NEB: variants seen among roughly 807,000 people sequenced by gnomAD.
NEB encodes the protein nemaline myopathy type 2.
In NEB, 512 loss-of-function variants were observed where a neutral mutation model predicts 952.2. The observed-to-expected ratio is 0.54, with a 90% CI of 0.50 to 0.58. NEB has a LOEUF of 0.58. Ranked by LOEUF, NEB falls within the 20% of genes least tolerant of loss-of-function variation. The pLI is 0.00. For missense variants in NEB, 8,428 were observed against 9,231.1 expected, an observed-to-expected ratio of 0.91 and a Z score of 3.56; for synonymous variants, 2,900 against 3,149.8, an observed-to-expected ratio of 0.92 and a Z score of 2.66.
intron 167 of NEB, among the ~76,000 whole-genome samples, chr2:151,502,095 T>G (rs1224550363): frequency 6.6e-6 from 1 of 152,130 alleles, no homozygotes; most frequent in Non-Finnish European, 1.5e-5. Context: ...TGGAGACTAG[T>G]ATTGTAAGTG....
intron 153 of NEB, among the ~76,000 whole-genome samples, chr2:151,523,888 GAA>G (rs199790903): frequency 6.7e-6 from 1 of 150,046 alleles, no homozygotes; most frequent in Non-Finnish European, 1.5e-5. Flanking sequence ...TATGTTTAAT[GAA>G]AAAAAAATGA....
intron 140 of NEB, 98 bp downstream of exon 140, chr2:151,537,774 C>G (rs2093418095): frequency 3.9e-6 from 3 of 767,208 alleles, no homozygotes; most frequent in Admixed American, 3.8e-5. Flanking sequence ...AATCTAAAAT[C>G]TAGCCAAGAG....
rs2153569990 is a variant in NEB, at chr2:151,540,777, T to C, written c.20707A>G (p.Lys6903Glu). Residue 6903 changes from lysine to glutamate, a missense_variant, in exon 137 of 182, where the codon AAA (lysine) becomes GAA (glutamate). Transcript: ENST00000397345. ...CCAGCGTGATGATGGGGTCTCTCTTTGGTGGCAAGTTCAACATACAGATAC... is the reference window on the plus strand; with the variant it reads ...CCAGCGTGATGATGGGGTCTCTCTTCGGTGGCAAGTTCAACATACAGATAC... ...SQYLYVELAT[K>E]ERPHHHAGNQ... 6.2e-7 allele frequency: 1 copy of C among 1,613,482 alleles called. No individual in the cohort carries two copies. Among genetic ancestry groups the C allele is most frequent in the East Asian group, 2.2e-5 (1 of 44,864 alleles).
intron 172 of NEB, among the ~76,000 whole-genome samples, chr2:151,496,736 A>T (rs1016090210): frequency 1.3e-5 from 2 of 152,192 alleles, no homozygotes; most frequent in African/African-American, 4.8e-5. Flanking sequence ...GATTGAAAAT[A>T]TCAGATGAAA....
Position 151,727,841 on chromosome 2 carries a change from G to A in NEB, c.144C>T (p.Ser48=), listed in dbSNP as rs373652428. ...GTGCTGGCTGTGCCAGAGCTGGTTT[G>A]GAAGTTTCTGATTGCTCATAGTCAG... ...RTSDYEQSET[S]KPALAQPALA... is the part of the protein sequence containing the mutation. Residue 48 remains serine, a synonymous_variant, in exon 5 of 182, where the codon TCC becomes TCT. Transcript: ENST00000397345. The A allele has an allele frequency of 2.9e-5, 47 of 1,611,440 alleles. 1 individual carries two copies. In the African/African-American group the frequency reaches 5.6e-4, roughly 19 times the overall value.
chr2:151,532,178 C>A lies in NEB; in HGVS notation c.21418-282G>T, dbSNP rs957677112. 2.4e-5 allele frequency: 6 copies of A among 251,482 alleles called. No individual in the cohort carries two copies. The East Asian group carries it at 3.0e-4, about 12-fold the overall frequency. The allele number at this position is 251,482 out of a possible 1,614,324, so 15.6% of individuals were successfully genotyped here. ...GTGGTGCGATCTCGGCTCACTGCAA[C>A]CTCCACCTCCCAGATTCAAGCAATT... On this transcript the variant is annotated intron_variant, in intron 143 of 181. Coordinates refer to ENST00000397345, the MANE Select transcript of NEB (RefSeq NM_001164508.2).
At chr2:151,535,462 G>A (rs531085311) in intron 142 of NEB, among the ~76,000 whole-genome samples, 1 of 152,296 alleles carries the variant, frequency 6.6e-6, no homozygotes, top group South Asian at 2.1e-4. Flanking sequence ...AGGTGCTGAT[G>A]TTTGCGGGGC....
intron 105 of NEB, among the ~76,000 whole-genome samples, chr2:151,578,532 G>A (rs2096964806): frequency 6.6e-6 from 1 of 151,646 alleles, no homozygotes; most frequent in African/African-American, 2.4e-5. Context: ...GTGGTGGCAT[G>A]TGCTTGTAAT....
At chr2:151,714,779 T>C (rs2099754713) in intron 10 of NEB, among the ~76,000 whole-genome samples, 1 of 152,182 alleles carries the variant, frequency 6.6e-6, no homozygotes, top group African/African-American at 2.4e-5. Context: ...AAGGAGATTT[T>C]TATCCTATTT....
intron 20 of NEB, among the ~76,000 whole-genome samples, chr2:151,693,084 A>C (rs2099571145): frequency 1.3e-5 from 2 of 152,218 alleles, no homozygotes; most frequent in Admixed American, 1.3e-4. Context: ...TCTGTTGAGC[A>C]CTTGGTGAAA....
rs2153806550 is a variant in NEB at position 151,575,805 on chromosome 2, G to A, written c.16909-6C>T. On this transcript the variant is annotated splice_polypyrimidine_tract_variant and splice_region_variant and intron_variant, in intron 106 of 181. Transcript: ENST00000397345. Reference sequence around the variant, plus strand: ...CAAACCTCTCTGTACTTTGGCTGTGGAAAGAAACAAAAATAATAAAATTAC... The same window carrying A: ...CAAACCTCTCTGTACTTTGGCTGTGAAAAGAAACAAAAATAATAAAATTAC... The A allele has an allele frequency of 6.5e-7, 1 of 1,539,732 alleles. No homozygotes were observed. The highest frequency in any genetic ancestry group is 1.1e-5 in the South Asian group (1 of 89,346).
chr2:151,655,126 T>G, intron 51 of NEB, 144 bp downstream of exon 51: 1 of 467,998 alleles, frequency 2.1e-6, no homozygotes, highest in South Asian at 4.1e-5. Context: ...TTAAGCACTC[T>G]ATTTTGCAAC....
intron 160 of NEB, 37 bp from the exon 161 acceptor site, chr2:151,512,874 C>T (rs1033157826): frequency 7.2e-7 from 1 of 1,387,112 alleles, no homozygotes; most frequent in Non-Finnish European, 1.0e-6. Flanking sequence ...TAAATGTTTG[C>T]AATGTGCACA....
chr2:151,661,170 C>T (rs1295695976), intron 46 of NEB, among the ~76,000 whole-genome samples: 4 of 152,122 alleles, frequency 2.6e-5, no homozygotes, highest in Admixed American at 1.3e-4. Flanking sequence ...GGTGCCAGTA[C>T]GTGCTAGTTC....
intron 77 of NEB, among the ~76,000 whole-genome samples, chr2:151,612,856 C>T (rs570352251): frequency 2.3e-4 from 35 of 152,140 alleles, no homozygotes; most frequent in Non-Finnish European, 4.1e-4. Flanking sequence ...GGGATAAAAA[C>T]GACGTCTTTT....
chr2:151,691,514 T>C (rs2099550615), intron 23 of NEB, among the ~76,000 whole-genome samples: 1 of 152,238 alleles, frequency 6.6e-6, no homozygotes, highest in Non-Finnish European at 1.5e-5. Flanking sequence ...GCTGGCTTTT[T>C]CTCTGTCTTT....
chr2:151,617,457 A>G lies in NEB; in HGVS notation c.11088T>C (p.Thr3696=). ...TTTTCTTGTCATTGTCCCAGGCTTC[A>G]GTATATAAGCGCTACAAAAAAAAAA... The part of the protein sequence containing the change: ...NALNMNKRLY[T]EAWDNDKKTI... Residue 3696 remains threonine (T), a synonymous_variant, in exon 75 of 182, where the codon ACT becomes ACC. Transcript: ENST00000397345. The G allele has an allele frequency of 6.7e-7, 1 of 1,501,408 alleles. No homozygotes were observed. The highest frequency in any genetic ancestry group is 9.0e-7 in the Non-Finnish European group (1 of 1,112,744). 93.0% of individuals were successfully genotyped at this position (1,501,408 alleles called of 1,614,324 possible).
intron 114 of NEB, 89 bp from the exon 115 acceptor site, chr2:151,565,909 T>C (rs779755271): frequency 2.7e-5 from 22 of 801,760 alleles, no homozygotes; most frequent in Non-Finnish European, 4.2e-5. Context: ...CAGAAGCTTT[T>C]AAAGGATTTC....
intron 114 of NEB, among the ~76,000 whole-genome samples, chr2:151,566,827 C>T (rs775604564): frequency 2.6e-5 from 4 of 152,226 alleles, no homozygotes; most frequent in Non-Finnish European, 5.9e-5. Flanking sequence ...AAAACCTCAA[C>T]TCATTCTCAA....
Sources: allele counts gnomAD v4.1 joint callset (sites outside exome capture counted in the v4.1 genomes callset), GRCh38; gene constraint gnomAD v4.1.1; transcripts MANE v1.5; gene names NCBI Gene and HGNC (gene_info 2026-07-23, HGNC 2026-07-21).